DSCAM: variants seen among roughly 807,000 people sequenced by gnomAD.
DSCAM encodes cell adhesion molecule DSCAM.
DSCAM carries 47 observed loss-of-function variants against 217.7 expected under a neutral mutation model. The ratio of observed to expected loss-of-function variants is 0.22; its 90% CI spans 0.17 to 0.28. DSCAM has a LOEUF of 0.28. Ranked by LOEUF, DSCAM falls within the 10% of genes least tolerant of loss-of-function variation. DSCAM has a pLI of 1.00. For missense variants in DSCAM, 2,080 were observed against 2,618.3 expected, an observed-to-expected ratio of 0.79 and a Z score of 4.49; for synonymous variants, 1,056 against 1,015.3, an observed-to-expected ratio of 1.04 and a Z score of -0.76.
intron 11 of DSCAM, among the ~76,000 whole-genome samples, chr21:40,269,567 T>C (rs1327513433): frequency 6.6e-6 from 1 of 152,164 alleles, no homozygotes; most frequent in Non-Finnish European, 1.5e-5. Context: ...CAAACTGGGG[T>C]GCTTAAACAA....
intron 3 of DSCAM, among the ~76,000 whole-genome samples, chr21:40,599,366 TCC>T (rs542622489): frequency 2.0e-4 from 31 of 152,168 alleles, no homozygotes; most frequent in Non-Finnish European, 3.8e-4. Flanking sequence ...ATGCTCTCCC[TCC>T]CTTGGCCCCC....
intron 1 of DSCAM, among the ~76,000 whole-genome samples, chr21:40,766,635 C>CA (rs2091392581): frequency 8.4e-6 from 1 of 119,546 alleles, no homozygotes; most frequent in African/African-American, 3.2e-5. Flanking sequence ...TGGTCACCAT[C>CA]ACTAATGTTT....
intron 30 of DSCAM, among the ~76,000 whole-genome samples, chr21:40,045,599 C>G (rs1299551992): frequency 6.6e-6 from 1 of 152,190 alleles, no homozygotes; most frequent in Non-Finnish European, 1.5e-5. Context: ...GAGAGAGGTT[C>G]AGTTACCTGG....
At chr21:40,707,927 A>C (rs1379497081) in intron 2 of DSCAM, among the ~76,000 whole-genome samples, 1 of 152,228 alleles carries the variant, frequency 6.6e-6, no homozygotes, top group Non-Finnish European at 1.5e-5. Context: ...TGTACTGACA[A>C]CATTTCAGCA....
At chr21:40,093,928 G>T in intron 20 of DSCAM, 54 bp from the exon 21 acceptor site, 7 of 1,576,380 alleles carry the variant, frequency 4.4e-6, no homozygotes, top group Non-Finnish European at 6.1e-6. Flanking sequence ...TGGCAAAAAT[G>T]GATTTCCCGA....
At chr21:40,803,863 A>C (rs1344086849) in intron 1 of DSCAM, among the ~76,000 whole-genome samples, 1 of 152,020 alleles carries the variant, frequency 6.6e-6, no homozygotes, top group African/African-American at 2.4e-5. Context: ...TGTCACAATA[A>C]ATTTGCCGTC....
chr21:40,752,010 T>C (rs2091234153), intron 1 of DSCAM, among the ~76,000 whole-genome samples: 1 of 152,146 alleles, frequency 6.6e-6, no homozygotes, highest in African/African-American at 2.4e-5. Flanking sequence ...TATTCATTGT[T>C]AGCTCTATAG....
chr21:40,182,606 CGTGG>C (rs2090824505), intron 14 of DSCAM, among the ~76,000 whole-genome samples: 4 of 129,126 alleles, frequency 3.1e-5, no homozygotes, highest in African/African-American at 1.4e-4. Context: ...GCAGAGAAAC[CGTGG>C]ACAGAACGGG....
In DSCAM at chr21:40,012,908, T is replaced by TC. The variant is rs1333408243; in HGVS notation, c.*125_*126insG. On this transcript the variant is annotated 3_prime_UTR_variant, in exon 33 of 33. Coordinates refer to ENST00000400454, the MANE Select transcript of DSCAM (RefSeq NM_001389.5). The stretch of plus-strand genomic sequence containing the variant: ...CTGTCTGTGGTTTCAGTATTTTCTC[T>TC]TTTTTTTTTTTAATATATTTTGGCA... 180 of 431,318 alleles carry TC rather than the reference T, an allele frequency of 4.2e-4. No individual in the cohort carries two copies. The highest frequency in any genetic ancestry group is 7.7e-4 in the Admixed American group (6 of 7,762). The allele number at this position is 431,318 out of a possible 1,614,324, so 26.7% of individuals were successfully genotyped here.
chr21:40,172,131 C>T (rs1283922764), intron 15 of DSCAM, among the ~76,000 whole-genome samples: 2 of 152,128 alleles, frequency 1.3e-5, no homozygotes, highest in East Asian at 1.9e-4. Flanking sequence ...TTGCTGGGTG[C>T]AGTGGTACAT....
intron 3 of DSCAM, among the ~76,000 whole-genome samples, chr21:40,447,024 T>C (rs751960636): frequency 1.3e-5 from 2 of 152,174 alleles, no homozygotes; most frequent in Non-Finnish European, 2.9e-5. Flanking sequence ...GGTCACCTCC[T>C]TGTGTTCCTG....
intron 11 of DSCAM, among the ~76,000 whole-genome samples, chr21:40,208,253 G>C (rs1158709266): frequency 6.6e-6 from 1 of 152,124 alleles, no homozygotes; most frequent in Non-Finnish European, 1.5e-5. Flanking sequence ...AAGAGTTTGA[G>C]ACTAGCCTGG....
intron 3 of DSCAM, among the ~76,000 whole-genome samples, chr21:40,386,791 T>C (rs368259686): frequency 6.6e-6 from 1 of 152,166 alleles, no homozygotes; most frequent in Admixed American, 6.5e-5. Context: ...GACGTTTTTC[T>C]TGAACTCCAC....
chr21:40,700,548 T>G (rs184805927), intron 2 of DSCAM, among the ~76,000 whole-genome samples: 161 of 152,246 alleles, frequency 1.1e-3, no homozygotes, highest in African/African-American at 3.7e-3. Flanking sequence ...CTTTTATATG[T>G]TGTTGGATTC....
chr21:40,460,990 T>C (rs2075801203), intron 3 of DSCAM, among the ~76,000 whole-genome samples: 1 of 152,190 alleles, frequency 6.6e-6, no homozygotes. Context: ...TGCAAGCTTA[T>C]TGATTTATAC....
chr21:40,578,756 G>A (rs555994884), intron 3 of DSCAM, among the ~76,000 whole-genome samples: 17 of 152,296 alleles, frequency 1.1e-4, no homozygotes, highest in African/African-American at 3.8e-4. Context: ...GAACCCATAG[G>A]AAGGAATAAA....
chr21:40,602,971 T>TAA (rs2077073905), intron 3 of DSCAM, among the ~76,000 whole-genome samples: 2 of 62 alleles, frequency 0.032, no homozygotes, highest in Admixed American at 0.17. Context: ...TTCAATGTTA[T>TAA]AAGTTTTCTG....
chr21:40,551,701 C>A (rs1307419987), intron 3 of DSCAM, among the ~76,000 whole-genome samples: 1 of 152,092 alleles, frequency 6.6e-6, no homozygotes, highest in Non-Finnish European at 1.5e-5. Flanking sequence ...CCTTCTTTAT[C>A]TGTTATGTGA....
At chr21:40,069,570 T>A (rs1778785513) in intron 27 of DSCAM, among the ~76,000 whole-genome samples, 1 of 152,218 alleles carries the variant, frequency 6.6e-6, no homozygotes, top group Non-Finnish European at 1.5e-5. Flanking sequence ...CATTTTCATA[T>A]CTGAAGTTCT....
Sources: allele counts gnomAD v4.1 joint callset (sites outside exome capture counted in the v4.1 genomes callset), GRCh38; gene constraint gnomAD v4.1.1; transcripts MANE v1.5; gene names NCBI Gene and HGNC (gene_info 2026-07-23, HGNC 2026-07-21).